The following SLCO6A1 variants were observed in gnomAD, a reference collection of about 807,000 sequenced individuals.
The protein encoded by SLCO6A1 is solute carrier organic anion transporter family member 6A1.
Under a neutral mutation model 72.7 loss-of-function variants are expected in SLCO6A1, and 65 were observed. The observed-to-expected ratio is 0.89, with a 90% confidence interval of 0.73 to 1.10. SLCO6A1 has a LOEUF of 1.10. Ranked by LOEUF, SLCO6A1 falls within the 50% of genes least tolerant of loss-of-function variation. The pLI is 0.00. For missense variants in SLCO6A1, 874 were observed against 872.6 expected, an observed-to-expected ratio of 1.00 and a Z score of -0.02; for synonymous variants, 314 against 298.2, an observed-to-expected ratio of 1.05 and a Z score of -0.55.
At chr5:102,415,930 C>G (rs2112599394) in intron 8 of SLCO6A1, among the ~76,000 whole-genome samples, 1 of 152,208 alleles carries the variant, frequency 6.6e-6, no homozygotes, top group Non-Finnish European at 1.5e-5. Flanking sequence ...AGAAAACATA[C>G]AAATAGCCAA....
chr5:102,479,585 TC>T (rs1752082713), intron 2 of SLCO6A1, among the ~76,000 whole-genome samples: 3 of 152,160 alleles, frequency 2.0e-5, no homozygotes, highest in African/African-American at 7.2e-5. Flanking sequence ...TTGATTCTGC[TC>T]CTTTTCACTA....
chr5:102,390,392 C>T (rs777433826), intron 11 of SLCO6A1, among the ~76,000 whole-genome samples: 2 of 152,094 alleles, frequency 1.3e-5, no homozygotes, highest in Non-Finnish European at 1.5e-5. Context: ...CTATCAGAGC[C>T]GCACTTAGAT....
At position 102,485,253 on chromosome 5, in the gene SLCO6A1, AAAATAAAT is replaced by A. The variant is rs71620660; in HGVS notation, c.359-4827_359-4820del. Among the ~76,000 whole-genome samples, 883 of 145,282 alleles carry A rather than the reference AAAATAAAT, an allele frequency of 6.1e-3. 2 individuals carry two copies. The highest frequency in any genetic ancestry group is 0.023 in the East Asian group (116 of 4,938). On this transcript the variant is annotated intron_variant, in intron 1 of 13. Coordinates refer to ENST00000506729, the MANE Select transcript of SLCO6A1 (RefSeq NM_173488.5). ...GCAACAAGAGCGAAACTCCATCTCA[AAAATAAAT>A]AAATAAATAAATAAATAAATAAATA...
At chr5:102,409,695 T>A (rs1039355194) in intron 9 of SLCO6A1, among the ~76,000 whole-genome samples, 2 of 152,226 alleles carry the variant, frequency 1.3e-5, no homozygotes, top group African/African-American at 2.4e-5. Flanking sequence ...TCAAATGTTA[T>A]CACACAGTTT....
chr5:102,452,930 C>T (rs925264316), intron 6 of SLCO6A1, among the ~76,000 whole-genome samples: 1 of 152,076 alleles, frequency 6.6e-6, no homozygotes, highest in Non-Finnish European at 1.5e-5. Context: ...ATGATCCAAA[C>T]CAAATGGCAT....
At chr5:102,498,384 T>G (rs1561509354) in intron 1 of SLCO6A1, 103 bp downstream of exon 1, 1 of 1,145,526 alleles carries the variant, frequency 8.7e-7, no homozygotes, top group South Asian at 1.5e-5. Flanking sequence ...CCCCAGGGCA[T>G]GCTGGGCCAC....
intron 1 of SLCO6A1, among the ~76,000 whole-genome samples, 180 bp downstream of exon 1, chr5:102,498,307 C>T (rs1431334202): frequency 5.3e-5 from 8 of 152,204 alleles, no homozygotes; most frequent in Non-Finnish European, 1.2e-4. Context: ...AAGGTAAACC[C>T]ACTGGGTGGC....
chr5:102,418,929 C>G (rs1179578565), intron 8 of SLCO6A1, among the ~76,000 whole-genome samples: 1 of 151,886 alleles, frequency 6.6e-6, no homozygotes, highest in Non-Finnish European at 1.5e-5. Flanking sequence ...CATTTGTTTA[C>G]CTCTCTCTGC....
rs1161244454 is a variant in SLCO6A1, at chr5:102,498,595, T to C, written c.250A>G (p.Ser84Gly). 1.2e-6 allele frequency: 2 copies of C among 1,614,240 alleles called. No homozygotes were observed. Among genetic ancestry groups the C allele is most frequent in the Non-Finnish European group, 1.7e-6 (2 of 1,180,052 alleles). The change falls in exon 1 of 14, where the codon AGT (serine) becomes GGT (glycine). Residue 84 changes from serine to glycine, a missense_variant. Coordinates refer to ENST00000506729, the MANE Select transcript of SLCO6A1 (RefSeq NM_173488.5). ...CCCAAACCACAGGGCTGCTCCAAAC[T>C]GTCATCCACTTCTCCCGGCTTCTTG... ...VSKKPGEVDD[S>G]LEQPCGLGCL...
At chr5:102,409,231 C>G (rs1228833394) in intron 9 of SLCO6A1, among the ~76,000 whole-genome samples, 1 of 152,058 alleles carries the variant, frequency 6.6e-6, no homozygotes, top group African/African-American at 2.4e-5. Context: ...CTAGAGAAAC[C>G]TAAAAATCGT....
At position 102,480,078 on chromosome 5, in the gene SLCO6A1, T is replaced by C; in HGVS notation, c.616+99A>G. ...TAAATCAAATGGATGGATGGATAGA[T>C]ATACAGACAAATAATTATCACAGTC... is the stretch of plus-strand genomic sequence containing the variant. On this transcript the variant is annotated intron_variant, in intron 2 of 13. Transcript: ENST00000506729. 3 of 1,154,004 alleles carry C rather than the reference T, an allele frequency of 2.6e-6. No individual in the cohort carries two copies. In the South Asian group the frequency reaches 4.7e-5, roughly 18 times the overall value. The allele number at this position is 1,154,004 out of a possible 1,614,324, so 71.5% of individuals were successfully genotyped here. A position where few individuals can be genotyped will look rare whatever the true frequency, so the allele number is the denominator to read the frequency against.
intron 10 of SLCO6A1, among the ~76,000 whole-genome samples, chr5:102,397,081 G>T (rs1747127627): frequency 6.6e-6 from 1 of 152,068 alleles, no homozygotes; most frequent in South Asian, 2.1e-4. Context: ...TCTGTTCTGT[G>T]GCCATGATTG....
chr5:102,385,960 A>C (rs1459123064), intron 12 of SLCO6A1, among the ~76,000 whole-genome samples: 2 of 151,408 alleles, frequency 1.3e-5, no homozygotes, highest in Non-Finnish European at 2.9e-5. Context: ...CAAATACACA[A>C]CACCACACCT....
chr5:102,413,589 T>C (rs1748110696), intron 8 of SLCO6A1, among the ~76,000 whole-genome samples: 1 of 152,148 alleles, frequency 6.6e-6, no homozygotes. Flanking sequence ...CTTTATTTGG[T>C]CTTTGTATGG....
intron 4 of SLCO6A1, among the ~76,000 whole-genome samples, chr5:102,461,648 G>GT (rs1751045138): frequency 6.6e-6 from 1 of 152,024 alleles, no homozygotes; most frequent in African/African-American, 2.4e-5. Flanking sequence ...ATGAATATGT[G>GT]TTTTTTATTG....
intron 6 of SLCO6A1, among the ~76,000 whole-genome samples, chr5:102,446,309 A>T (rs1031133993): frequency 2.6e-5 from 4 of 151,956 alleles, no homozygotes; most frequent in Non-Finnish European, 5.9e-5. Context: ...TTGTATTCCT[A>T]TATTTTAGTC....
At chr5:102,409,220 T>C (rs1200061323) in intron 9 of SLCO6A1, among the ~76,000 whole-genome samples, 1 of 152,166 alleles carries the variant, frequency 6.6e-6, no homozygotes, top group Non-Finnish European at 1.5e-5. Flanking sequence ...GCTGTACTTT[T>C]CTAGAGAAAC....
intron 9 of SLCO6A1, among the ~76,000 whole-genome samples, chr5:102,401,417 T>C (rs1443544608): frequency 2.0e-5 from 3 of 152,122 alleles, no homozygotes; most frequent in South Asian, 2.1e-4. Flanking sequence ...TGGATGGATA[T>C]ATAAATGATA....
At chr5:102,470,901 G>T (rs1351173313) in intron 4 of SLCO6A1, among the ~76,000 whole-genome samples, 1 of 152,026 alleles carries the variant, frequency 6.6e-6, no homozygotes, top group Non-Finnish European at 1.5e-5. Flanking sequence ...AAGGTCCTTG[G>T]TTGTAGTTTT....
Sources: allele counts gnomAD v4.1 joint callset (sites outside exome capture counted in the v4.1 genomes callset), GRCh38; gene constraint gnomAD v4.1.1; transcripts MANE v1.5; gene names NCBI Gene and HGNC (gene_info 2026-07-23, HGNC 2026-07-21).